Variants in STRIP2 observed in about 807,000 individuals in gnomAD.
STRIP2 encodes the protein striatin-interacting protein 2.
In STRIP2, 84 loss-of-function variants were observed where a neutral mutation model predicts 107.1. The observed-to-expected ratio is 0.78, with a 90% CI of 0.66 to 0.94. STRIP2 has a LOEUF of 0.94. Among genes scored for constraint, STRIP2 ranks in the 40% least tolerant of loss-of-function variants. The pLI, the probability that STRIP2 is intolerant of heterozygous loss-of-function variation, is 0.00. For synonymous variants in STRIP2, 394 were observed against 400.4 expected (o/e 0.98, Z 0.19); for missense variants, 888 against 1,034.2 (o/e 0.86, Z 1.94).
At chr7:129,476,316 C>T (rs192933245) in intron 18 of STRIP2, among the ~76,000 whole-genome samples, 36,311 of 131,076 alleles carry the variant, frequency 0.28, 5,811 homozygotes, top group African/African-American at 0.38. Context: ...GGCTGCCGGG[C>T]GGAGGGGCTC....
At chr7:129,482,028 C>T (rs1042770042) in intron 19 of STRIP2, among the ~76,000 whole-genome samples, 2 of 151,606 alleles carry the variant, frequency 1.3e-5, no homozygotes, top group South Asian at 2.1e-4. Context: ...GGTGTGGTGG[C>T]GGGCGCCTCT....
chr7:129,453,383 C>G lies in STRIP2; in HGVS notation c.530+36C>G, dbSNP rs186547605. 2.8e-3 allele frequency: 4,547 copies of G among 1,612,284 alleles called. 7 individuals are homozygous for G. Among genetic ancestry groups the G allele is most frequent in the Non-Finnish European group, 3.4e-3 (3,994 of 1,179,142 alleles). ...TTAGGGGAAGGGCTGGCCTACATAA[C>G]CCCCATTCCTTAAAGGGGCCTCATG... is the stretch of plus-strand genomic sequence containing the variant. On this transcript the variant is annotated intron_variant, in intron 5 of 20. Coordinates refer to ENST00000249344, the MANE Select transcript of STRIP2 (RefSeq NM_020704.3).
At chr7:129,462,061 T>C (rs773841968) in intron 13 of STRIP2, among the ~76,000 whole-genome samples, 12 of 152,214 alleles carry the variant, frequency 7.9e-5, no homozygotes, top group Non-Finnish European at 1.2e-4. Flanking sequence ...GCCTGTCTGA[T>C]TGCTTCTGTT....
At chr7:129,468,493 A>G (rs554277820) in intron 17 of STRIP2, among the ~76,000 whole-genome samples, 2 of 152,340 alleles carry the variant, frequency 1.3e-5, no homozygotes, top group South Asian at 4.1e-4. Flanking sequence ...TTCTGACTAT[A>G]TCATAGAACT....
chr7:129,434,588 G>T lies in STRIP2; in HGVS notation c.116G>T (p.Arg39Leu), dbSNP rs1214893326. The change falls in exon 1 of 21, where the codon CGG (arginine) becomes CTG (leucine). Residue 39 changes from arginine (R) to leucine (L), a missense_variant. Coordinates refer to ENST00000249344, the MANE Select transcript of STRIP2 (RefSeq NM_020704.3). ...PKGREAFRSQ[R>L]RESEGSVDCP... ...GGCCGCGAAGCGTTCCGAAGCCAGC[G>T]GCGGGAGTCAGAGGTGAGGAGCCCG... The T allele has an allele frequency of 6.6e-7, 1 of 1,512,126 alleles. No homozygotes were observed. The highest frequency in any genetic ancestry group is 2.3e-4 in the Middle Eastern group (1 of 4,302). The allele number at this position is 1,512,126 out of a possible 1,614,324, so 93.7% of individuals were successfully genotyped here.
At chr7:129,443,979 T>C (rs1403523202) in intron 2 of STRIP2, 45 bp from the exon 3 acceptor site, 4 of 1,509,934 alleles carry the variant, frequency 2.6e-6, no homozygotes, top group Non-Finnish European at 3.7e-6. Context: ...GGGCCTCTTC[T>C]TTAAGGATCT....
At chr7:129,468,502 C>A (rs933553718) in intron 17 of STRIP2, among the ~76,000 whole-genome samples, 1 of 152,182 alleles carries the variant, frequency 6.6e-6, no homozygotes, top group Non-Finnish European at 1.5e-5. Flanking sequence ...TATCATAGAA[C>A]TTTTATAAGC....
In STRIP2 at chr7:129,458,455, G is replaced by T; in HGVS notation, c.1274+5G>T. The stretch of plus-strand genomic sequence containing the variant: ...GCCCTGGGCCCCAAAGGTCAGGTAG[G>T]TTTGATAGCATCAGGGACCCCTATG... On this transcript the variant is annotated splice_donor_5th_base_variant and intron_variant, in intron 10 of 20. Coordinates refer to ENST00000249344, the MANE Select transcript of STRIP2 (RefSeq NM_020704.3). This position sits in a 1 kb window ranked among gnomAD's most constrained non-coding sequence, Gnocchi z 4.6. 1 of 1,566,316 alleles carries T rather than the reference G, an allele frequency of 6.4e-7. No homozygotes were observed. The highest frequency in any genetic ancestry group is 2.4e-5 in the East Asian group (1 of 42,450).
chr7:129,454,377 G>A (rs372049335), intron 6 of STRIP2, 44 bp from the exon 7 acceptor site: 5 of 1,541,576 alleles, frequency 3.2e-6, no homozygotes, highest in Non-Finnish European at 3.6e-6. Context: ...ACTATGGGCT[G>A]GGAATTGCCT....
At chr7:129,440,235 C>T (rs1258223099) in intron 2 of STRIP2, 144 bp downstream of exon 2, 4 of 661,526 alleles carry the variant, frequency 6.0e-6, no homozygotes, top group Admixed American at 5.2e-5. Context: ...CCTCTCCATC[C>T]AAGTGGTAAA....
chr7:129,460,142 G>C (rs973816753), intron 12 of STRIP2, among the ~76,000 whole-genome samples, 159 bp from the exon 13 acceptor site: 1 of 152,254 alleles, frequency 6.6e-6, no homozygotes, highest in African/African-American at 2.4e-5. Flanking sequence ...TGATGATGCA[G>C]AGGTGATTAA....
At chr7:129,475,334 A>AT (rs1160853125) in intron 18 of STRIP2, among the ~76,000 whole-genome samples, 2 of 151,520 alleles carry the variant, frequency 1.3e-5, no homozygotes, top group Admixed American at 6.6e-5. Context: ...ATATCTTTTT[A>AT]TTTTTTTATT....
intron 11 of STRIP2, 64 bp from the exon 12 acceptor site, chr7:129,459,453 A>T: frequency 7.3e-7 from 1 of 1,378,006 alleles, no homozygotes; most frequent in Non-Finnish European, 1.0e-6. Context: ...CTAGGGGGGT[A>T]TTGGGGTATC....
chr7:129,473,503 AGGT>A (rs2151013516), intron 18 of STRIP2, among the ~76,000 whole-genome samples: 1 of 152,006 alleles, frequency 6.6e-6, no homozygotes, highest in East Asian at 1.9e-4. Context: ...AGCTGGGTGT[AGGT>A]GGGACCACAG....
chr7:129,453,450 A>C, intron 5 of STRIP2, 103 bp downstream of exon 5: 1 of 1,424,032 alleles, frequency 7.0e-7, no homozygotes, highest in Non-Finnish European at 9.5e-7. Flanking sequence ...CCTGTGAGGA[A>C]CTGGGTCTAC....
At chr7:129,437,811 G>T (rs822983) in intron 1 of STRIP2, among the ~76,000 whole-genome samples, 6,578 of 126,230 alleles carry the variant, frequency 0.052, 468 homozygotes, top group African/African-American at 0.17. Flanking sequence ...GTTTTTTTTT[G>T]TTTTTTTTTT....
Position 129,438,750 on chromosome 7 carries a change from A to G in STRIP2, c.130-1272A>G, listed in dbSNP as rs537093245. Among the ~76,000 whole-genome samples, 13 of 152,334 alleles carry G rather than the reference A, an allele frequency of 8.5e-5. No homozygotes were observed. The East Asian group carries it at 2.5e-3, about 29-fold the overall frequency. ...CTTCAGCCTGGCCAACTACAAATTA[A>G]GCGGTTATCATGATCTTCCTTTCAG... On this transcript the variant is annotated intron_variant, in intron 1 of 20. Coordinates refer to ENST00000249344, the MANE Select transcript of STRIP2 (RefSeq NM_020704.3).
intron 3 of STRIP2, among the ~76,000 whole-genome samples, chr7:129,446,447 G>A (rs10954234): frequency 0.31 from 46,887 of 152,018 alleles, 8,518 homozygotes; most frequent in East Asian, 0.6. Context: ...GTATTTAATC[G>A]CACATCTTAC....
chr7:129,443,780 T>C (rs940374405), intron 2 of STRIP2, among the ~76,000 whole-genome samples: 4 of 152,210 alleles, frequency 2.6e-5, no homozygotes, highest in African/African-American at 4.8e-5. Flanking sequence ...CCTCACCAAA[T>C]GTTGAAGGCT....
Sources: gnomAD v4.1 joint callset for allele counts (sites outside exome capture counted in the v4.1 genomes callset) on GRCh38, gnomAD v4.1.1 for gene constraint, Gnocchi (gnomAD v3.1) non-coding constraint, MANE v1.5 for transcripts, NCBI Gene and HGNC (gene_info 2026-07-23, HGNC 2026-07-21) for gene names.